TRPS1: variants seen among roughly 807,000 people sequenced by gnomAD.
TRPS1 encodes the protein transcriptional repressor GATA binding 1.
A neutral mutation model predicts 101.2 loss-of-function variants in TRPS1; 6 were observed. That is an observed-to-expected ratio of 0.06 (90% CI 0.03 to 0.12). The LOEUF (loss-of-function observed/expected upper bound fraction) is 0.12, where lower values mean the gene tolerates loss of function less well. Among genes scored for constraint, TRPS1 ranks in the 10% least tolerant of loss-of-function variants. The pLI, the probability that TRPS1 is intolerant of heterozygous loss-of-function variation, is 1.00. For missense variants in TRPS1, 1,363 were observed against 1,567.0 expected, an observed-to-expected ratio of 0.87 and a Z score of 2.20; for synonymous variants, 578 against 589.8, an observed-to-expected ratio of 0.98 and a Z score of 0.29.
intron 5 of TRPS1, among the ~76,000 whole-genome samples, chr8:115,441,896 A>T (rs7813258): frequency 0.26 from 34,062 of 131,054 alleles, 4,070 homozygotes; most frequent in Middle Eastern, 0.36. Context: ...AGAGAGAGAG[A>T]GAGTGTGTGT....
At chr8:115,454,012 T>A (rs1813951095) in intron 5 of TRPS1, among the ~76,000 whole-genome samples, 2 of 152,200 alleles carry the variant, frequency 1.3e-5, no homozygotes, top group African/African-American at 4.8e-5. Context: ...TTGGCTGCTT[T>A]CAAAAAGTAG....
Position 115,414,042 on chromosome 8 carries a change from T to C in TRPS1, c.3866A>G (p.Asn1289Ser). Residue 1289 changes from asparagine to serine, a missense_variant, in exon 7 of 7, where the codon AAT becomes AGT. Physicochemically the swap from Asn to Ser is conservative, Grantham distance 46 (BLOSUM62 1). Transcript: ENST00000395715. The surrounding 1 kb of genome is among the most constrained non-coding windows in gnomAD (Gnocchi z 4.8). ...AAGGTTTTACTCTTTAGGTTTTCCA[T>C]TTTTTTCCACTTGTGCATTGTTCCT... The part of the protein sequence containing the change: ...LHRNNAQVEK[N>S]GKPKE 2 of 1,613,324 alleles carry C rather than the reference T, an allele frequency of 1.2e-6. No individual in the cohort carries two copies. Among genetic ancestry groups the C allele is most frequent in the East Asian group, 2.2e-5 (1 of 44,866 alleles).
intron 5 of TRPS1, among the ~76,000 whole-genome samples, chr8:115,439,697 C>T (rs1053261383): frequency 9.9e-5 from 15 of 152,102 alleles, no homozygotes; most frequent in Admixed American, 3.3e-4. Flanking sequence ...ACCTTCCAGC[C>T]GTTTGTCCCT....
chr8:115,553,252 G>C (rs1250845734), intron 5 of TRPS1, among the ~76,000 whole-genome samples: 1 of 151,956 alleles, frequency 6.6e-6, no homozygotes, highest in Non-Finnish European at 1.5e-5. Context: ...TTATTGAGAT[G>C]TAACCTTTAC....
At chr8:115,435,553 G>T (rs1408754510) in intron 5 of TRPS1, among the ~76,000 whole-genome samples, 1 of 152,106 alleles carries the variant, frequency 6.6e-6, no homozygotes, top group African/African-American at 2.4e-5. Flanking sequence ...CGGTGGGCTG[G>T]TTCATGGGAA....
chr8:115,667,892 C>T lies in TRPS1; in HGVS notation c.-122+653G>A, dbSNP rs1263684184. ...AACTTACTACTCTGCATGCTGGTGC[C>T]TAGTCTGCGCCCCGCTTGTCACGAG... is the stretch of plus-strand genomic sequence containing the variant. On this transcript the variant is annotated intron_variant, in intron 1 of 6. Coordinates refer to ENST00000395715, the MANE Select transcript of TRPS1 (RefSeq NM_014112.5). 25 of 1,535,478 alleles carry T rather than the reference C, an allele frequency of 1.6e-5. No homozygotes were observed. In the Admixed American group the frequency reaches 4.5e-4, roughly 28 times the overall value.
At chr8:115,498,423 A>G (rs4027187) in intron 5 of TRPS1, among the ~76,000 whole-genome samples, 3 of 64,642 alleles carry the variant, frequency 4.6e-5, no homozygotes, top group Non-Finnish European at 5.1e-5. Flanking sequence ...CTCTATATAT[A>G]TATATATATA....
intron 5 of TRPS1, among the ~76,000 whole-genome samples, chr8:115,515,451 G>A (rs1815686286): frequency 6.6e-6 from 1 of 151,410 alleles, no homozygotes; most frequent in Non-Finnish European, 1.5e-5. Flanking sequence ...CATTAGTTTG[G>A]CATGTAGCAT....
intron 5 of TRPS1, among the ~76,000 whole-genome samples, chr8:115,455,454 A>G (rs1813992675): frequency 1.3e-5 from 2 of 152,180 alleles, no homozygotes; most frequent in South Asian, 2.1e-4. Flanking sequence ...GTTTGTATTT[A>G]AAGAGCAAAT....
chr8:115,542,885 A>G (rs1169085660), intron 5 of TRPS1, among the ~76,000 whole-genome samples: 1 of 152,208 alleles, frequency 6.6e-6, no homozygotes, highest in Non-Finnish European at 1.5e-5. Context: ...ACTCTGAAAT[A>G]ATCATAGTTC....
intron 1 of TRPS1, among the ~76,000 whole-genome samples, chr8:115,652,504 T>G (rs1811582766): frequency 6.6e-6 from 1 of 152,236 alleles, no homozygotes; most frequent in Non-Finnish European, 1.5e-5. Flanking sequence ...CACCTGCAAG[T>G]TGAAATCCAT....
At chr8:115,441,550 T>C (rs35549903) in intron 5 of TRPS1, among the ~76,000 whole-genome samples, 5,585 of 152,218 alleles carry the variant, frequency 0.037, 394 homozygotes, top group African/African-American at 0.13. Flanking sequence ...AGATTCCTTT[T>C]CCTAAAGTGT....
At chr8:115,467,205 A>G (rs1030902095) in intron 5 of TRPS1, among the ~76,000 whole-genome samples, 1 of 152,134 alleles carries the variant, frequency 6.6e-6, no homozygotes, top group African/African-American at 2.4e-5. Flanking sequence ...AATGCATTCC[A>G]ATTTACAAGT....
chr8:115,617,547 A>G (rs1218243469), intron 3 of TRPS1, among the ~76,000 whole-genome samples: 1 of 152,184 alleles, frequency 6.6e-6, no homozygotes, highest in Non-Finnish European at 1.5e-5. Context: ...GACAGCCTAG[A>G]TCAGCTTCCC....
intron 5 of TRPS1, among the ~76,000 whole-genome samples, chr8:115,567,020 T>A (rs1817084208): frequency 6.6e-6 from 1 of 152,154 alleles, no homozygotes; most frequent in Admixed American, 6.6e-5. Context: ...AACCCACGCA[T>A]CTTTCTCATT....
At chr8:115,625,845 G>A (rs1178691018) in intron 1 of TRPS1, among the ~76,000 whole-genome samples, 1 of 151,784 alleles carries the variant, frequency 6.6e-6, no homozygotes, top group Non-Finnish European at 1.5e-5. Flanking sequence ...AAATCTTGTT[G>A]CGCATAATTT....
At chr8:115,575,769 A>T (rs1268326022) in intron 5 of TRPS1, among the ~76,000 whole-genome samples, 2 of 152,164 alleles carry the variant, frequency 1.3e-5, no homozygotes, top group African/African-American at 4.8e-5. Flanking sequence ...CATAAAGAAC[A>T]AAGATAGGTT....
intron 1 of TRPS1, among the ~76,000 whole-genome samples, chr8:115,666,488 C>A (rs1252674799): frequency 6.6e-6 from 1 of 151,966 alleles, no homozygotes; most frequent in Non-Finnish European, 1.5e-5. Context: ...TCTGAGAGAG[C>A]CTTCTAAGCA....
intron 4 of TRPS1, among the ~76,000 whole-genome samples, chr8:115,588,176 A>G (rs1190420557): frequency 6.6e-6 from 1 of 152,224 alleles, no homozygotes; most frequent in Non-Finnish European, 1.5e-5. Flanking sequence ...AAGGAACTAA[A>G]TTTAAATATA....
Sources: allele counts gnomAD v4.1 joint callset (sites outside exome capture counted in the v4.1 genomes callset), GRCh38; gene constraint gnomAD v4.1.1; non-coding constraint Gnocchi (gnomAD v3.1); transcripts MANE v1.5; gene names NCBI Gene and HGNC (gene_info 2026-07-23, HGNC 2026-07-21).